The following DENND1A variants were observed in gnomAD, a reference collection of about 807,000 sequenced individuals.
DENND1A encodes the protein DENN domain-containing protein 1A.
A neutral mutation model predicts 113.7 loss-of-function variants in DENND1A; 51 were observed. The ratio of observed to expected loss-of-function variants is 0.45; its 90% confidence interval spans 0.36 to 0.57. The LOEUF (loss-of-function observed/expected upper bound fraction) is 0.57. Among genes scored for constraint, DENND1A ranks in the 20% least tolerant of loss-of-function variants. The pLI is 0.00. For synonymous variants in DENND1A, 565 were observed against 570.8 expected, an observed-to-expected ratio of 0.99 and a Z score of 0.14; for missense variants, 1,258 against 1,395.9, an observed-to-expected ratio of 0.90 and a Z score of 1.57.
At chr9:123,745,084 T>C (rs1415410239) in intron 5 of DENND1A, among the ~76,000 whole-genome samples, 3 of 152,150 alleles carry the variant, frequency 2.0e-5, no homozygotes, top group African/African-American at 4.8e-5. Context: ...CCTACTTATA[T>C]TATCTCTAAT....
At chr9:123,923,038 C>T (rs1018769902) in intron 1 of DENND1A, among the ~76,000 whole-genome samples, 2 of 152,110 alleles carry the variant, frequency 1.3e-5, no homozygotes, top group African/African-American at 4.8e-5. Flanking sequence ...CCCCTTTAAG[C>T]AAAAAGGATG....
chr9:123,841,490 T>A (rs773524532), intron 2 of DENND1A, among the ~76,000 whole-genome samples: 12 of 152,150 alleles, frequency 7.9e-5, no homozygotes, highest in Non-Finnish European at 1.3e-4. Flanking sequence ...GGTCATACAG[T>A]GGTGAAGAAA....
At chr9:123,919,322 AT>A (rs1855794908) in intron 1 of DENND1A, among the ~76,000 whole-genome samples, 1 of 151,728 alleles carries the variant, frequency 6.6e-6, no homozygotes, top group Admixed American at 6.6e-5. Flanking sequence ...AAACACAAAA[AT>A]TAGCTGGGCA....
At chr9:123,742,645 A>G (rs905662620) in intron 5 of DENND1A, among the ~76,000 whole-genome samples, 1 of 152,200 alleles carries the variant, frequency 6.6e-6, no homozygotes, top group Admixed American at 6.5e-5. Flanking sequence ...ATCACACTGA[A>G]AAGTGCAGAC....
chr9:123,384,729 CTT>C (rs769214997), intron 22 of DENND1A, among the ~76,000 whole-genome samples: 58 of 152,284 alleles, frequency 3.8e-4, no homozygotes, highest in Non-Finnish European at 7.8e-4. Context: ...GGGCGGATCA[CTT>C]GAGTTCAGGA....
intron 1 of DENND1A, among the ~76,000 whole-genome samples, chr9:123,899,651 T>A (rs1851295320): frequency 1.3e-5 from 2 of 152,220 alleles, no homozygotes; most frequent in Non-Finnish European, 2.9e-5. Flanking sequence ...TTCCACAGAA[T>A]ACCATGACTT....
At chr9:123,772,131 A>G (rs1323321705) in intron 3 of DENND1A, among the ~76,000 whole-genome samples, 1 of 152,168 alleles carries the variant, frequency 6.6e-6, no homozygotes, top group Non-Finnish European at 1.5e-5. Flanking sequence ...AAAACAAGCA[A>G]TGTTCTCTGT....
intron 18 of DENND1A, among the ~76,000 whole-genome samples, chr9:123,446,794 C>A (rs1231757607): frequency 1.3e-5 from 2 of 151,898 alleles, no homozygotes; most frequent in South Asian, 2.1e-4. Context: ...CAGAGTGAGA[C>A]CCTGTTTCAA....
At chr9:123,702,627 A>G (rs2065947732) in intron 5 of DENND1A, among the ~76,000 whole-genome samples, 2 of 152,214 alleles carry the variant, frequency 1.3e-5, no homozygotes, top group Non-Finnish European at 1.5e-5. Context: ...GAGAATAAAC[A>G]TTATAAGCCA....
chr9:123,517,629 C>G lies in DENND1A; in HGVS notation c.993+39941G>C, dbSNP rs2054049838. On this transcript the variant is annotated intron_variant, in intron 13 of 23. Transcript: ENST00000394215. ...GCAAGACCCTGTCTCAAAAAAACAA[C>G]AGCAAAACAAAACAAAACAAAACAA... Among the ~76,000 whole-genome samples the G allele has an allele frequency of 2.0e-5, 3 of 151,860 alleles. 1 individual carries two copies. The South Asian group carries it at 6.3e-4, about 32-fold the overall frequency.
intron 3 of DENND1A, among the ~76,000 whole-genome samples, chr9:123,774,838 T>C (rs1013119949): frequency 6.6e-6 from 1 of 152,158 alleles, no homozygotes; most frequent in Non-Finnish European, 1.5e-5. Flanking sequence ...CATCATACTC[T>C]ATAAACATGT....
rs890521003 is a variant in DENND1A, at chr9:123,509,518, G to A, written c.993+48052C>T. ...TTGCACCATCTTCCTTTATGGCCTCGTTTTTGAGCCTTCTCTCTGGGTCAC... is the reference window on the plus strand; with the variant it reads ...TTGCACCATCTTCCTTTATGGCCTCATTTTTGAGCCTTCTCTCTGGGTCAC... On this transcript the variant is annotated intron_variant, in intron 13 of 23. Transcript: ENST00000394215. Among the ~76,000 whole-genome samples, 7 of 152,200 alleles carry A rather than the reference G, an allele frequency of 4.6e-5. No individual in the cohort carries two copies. In the East Asian group the frequency reaches 7.7e-4, roughly 17 times the overall value.
chr9:123,697,642 G>A (rs2065610974), intron 5 of DENND1A, among the ~76,000 whole-genome samples: 2 of 152,096 alleles, frequency 1.3e-5, no homozygotes, highest in Non-Finnish European at 2.9e-5. Context: ...ACGGTGTTTG[G>A]TTTTCCATTC....
chr9:123,638,356 T>C (rs918452690), intron 9 of DENND1A, among the ~76,000 whole-genome samples: 4 of 152,154 alleles, frequency 2.6e-5, no homozygotes, highest in African/African-American at 7.2e-5. Context: ...CTGATAACAA[T>C]GTATTCAATA....
At chr9:123,660,070 T>TG (rs764090556) in intron 8 of DENND1A, among the ~76,000 whole-genome samples, 1 of 152,122 alleles carries the variant, frequency 6.6e-6, no homozygotes, top group Non-Finnish European at 1.5e-5. Flanking sequence ...AGGGAGGCAG[T>TG]GGGGTACAAC....
rs1234643246 is a variant in DENND1A, at chr9:123,380,636, T to G, written c.*796A>C. ...GCCCCAGCTTTGACAGTGAGGGGAGTACCTGGAGGTATCAGCGTGCCAGAG... is the reference window on the plus strand; with the variant it reads ...GCCCCAGCTTTGACAGTGAGGGGAGGACCTGGAGGTATCAGCGTGCCAGAG... On this transcript the variant is annotated 3_prime_UTR_variant, in exon 24 of 24. Transcript: ENST00000394215. 6.6e-6 allele frequency: 1 copy of G among 152,244 alleles called. No homozygotes were observed. The highest frequency in any genetic ancestry group is 1.5e-5 in the Non-Finnish European group (1 of 67,990). 9.4% of individuals were successfully genotyped at this position (152,244 alleles called of 1,614,324 possible). A position where few individuals can be genotyped will look rare whatever the true frequency, so the allele number is the denominator to read the frequency against.
chr9:123,619,339 T>C (rs944294712), intron 10 of DENND1A, among the ~76,000 whole-genome samples: 4 of 152,238 alleles, frequency 2.6e-5, no homozygotes, highest in African/African-American at 9.6e-5. Flanking sequence ...GGTGGTGATA[T>C]ATCTATTAGA....
At chr9:123,716,583 T>A (rs1452254933) in intron 5 of DENND1A, among the ~76,000 whole-genome samples, 1 of 149,502 alleles carries the variant, frequency 6.7e-6, no homozygotes, top group Admixed American at 6.6e-5. Flanking sequence ...AAGACATCCA[T>A]TAAAGACAAC....
At chr9:123,621,683 G>A (rs1278559447) in intron 10 of DENND1A, among the ~76,000 whole-genome samples, 2 of 152,180 alleles carry the variant, frequency 1.3e-5, no homozygotes, top group East Asian at 3.8e-4. Context: ...CCAGGTGAGG[G>A]CCAGACATTT....
Sources: allele counts gnomAD v4.1 joint callset (sites outside exome capture counted in the v4.1 genomes callset), GRCh38; gene constraint gnomAD v4.1.1; transcripts MANE v1.5; gene names NCBI Gene and HGNC (gene_info 2026-07-23, HGNC 2026-07-21).